MEOX2: variants seen among roughly 807,000 people sequenced by gnomAD.
The protein encoded by MEOX2 is mesenchyme homeobox 2.
Under a neutral mutation model 27.0 loss-of-function variants are expected in MEOX2, and 11 were observed. The observed-to-expected ratio is 0.41, with a 90% CI of 0.26 to 0.68. The LOEUF (loss-of-function observed/expected upper bound fraction) is 0.68, where lower values mean the gene tolerates loss of function less well. MEOX2 is among the 30% of genes least tolerant of loss of function. The pLI, the probability that MEOX2 is intolerant of heterozygous loss-of-function variation, is 0.33. For missense variants in MEOX2, 436 were observed against 385.4 expected, an observed-to-expected ratio of 1.13 and a Z score of -1.10; for synonymous variants, 189 against 155.4, an observed-to-expected ratio of 1.22 and a Z score of -1.61.
chr7:15,648,064 T>C (rs1310546156), intron 1 of MEOX2, among the ~76,000 whole-genome samples: 2 of 152,096 alleles, frequency 1.3e-5, no homozygotes, highest in African/African-American at 4.8e-5. Context: ...AGGCTAGAGA[T>C]AGTCCCATAG....
chr7:15,651,747 A>G (rs556855758), intron 1 of MEOX2, among the ~76,000 whole-genome samples: 1 of 151,836 alleles, frequency 6.6e-6, no homozygotes, highest in Non-Finnish European at 1.5e-5. Context: ...AGTAAGAAAG[A>G]CTCTACTGAA....
intron 1 of MEOX2, among the ~76,000 whole-genome samples, chr7:15,661,038 A>G (rs1008661761): frequency 2.7e-5 from 4 of 150,738 alleles, no homozygotes; most frequent in African/African-American, 7.3e-5. Context: ...AAAAAAAAAA[A>G]AAAGAGAAAG....
intron 1 of MEOX2, among the ~76,000 whole-genome samples, chr7:15,682,880 G>A (rs190931603): frequency 1.7e-4 from 26 of 152,028 alleles, no homozygotes; most frequent in Middle Eastern, 3.4e-3. Context: ...GCTGGAAAGC[G>A]TAGCAGGTTC....
intron 2 of MEOX2, among the ~76,000 whole-genome samples, chr7:15,618,775 TATCAGATTTAGAG>T (rs1263207053): frequency 6.6e-6 from 1 of 151,924 alleles, no homozygotes; most frequent in Non-Finnish European, 1.5e-5. Context: ...TTATTTCATT[TATCAGATTTAGAG>T]ACTATCACCT....
chr7:15,677,591 A>C (rs1189770917), intron 1 of MEOX2: 1 of 152,200 alleles, frequency 6.6e-6, no homozygotes, highest in Admixed American at 6.5e-5. Flanking sequence ...GCAATCCTCC[A>C]TCTGAGGTCC....
chr7:15,647,134 G>C (rs750715777), intron 1 of MEOX2, among the ~76,000 whole-genome samples: 3 of 152,004 alleles, frequency 2.0e-5, no homozygotes, highest in Non-Finnish European at 2.9e-5. Flanking sequence ...CAGGAAGAAA[G>C]TTTTTATTAG....
intron 1 of MEOX2, among the ~76,000 whole-genome samples, chr7:15,644,112 C>T (rs1562603559): frequency 6.6e-6 from 1 of 152,176 alleles, no homozygotes; most frequent in Admixed American, 6.5e-5. Context: ...CTGTTTTCTC[C>T]TAGCCTAGCA....
chr7:15,680,403 T>C (rs1369581740), intron 1 of MEOX2: 1 of 151,992 alleles, frequency 6.6e-6, no homozygotes, highest in East Asian at 1.9e-4. Flanking sequence ...ATTCTGCCTC[T>C]AACGCAAATT....
intron 2 of MEOX2, among the ~76,000 whole-genome samples, chr7:15,619,696 A>G: frequency 6.6e-6 from 1 of 152,046 alleles, no homozygotes; most frequent in Non-Finnish European, 1.5e-5. Context: ...CTAACTATAC[A>G]TATGTCTACC....
At chr7:15,683,418 C>T (rs868778193) in intron 1 of MEOX2, among the ~76,000 whole-genome samples, 8 of 151,750 alleles carry the variant, frequency 5.3e-5, no homozygotes, top group South Asian at 2.1e-4. Flanking sequence ...TCAGGAGTTC[C>T]GAAATCACTT....
At chr7:15,619,079 T>C (rs1167193132) in intron 2 of MEOX2, among the ~76,000 whole-genome samples, 1 of 151,980 alleles carries the variant, frequency 6.6e-6, no homozygotes, top group Non-Finnish European at 1.5e-5. Flanking sequence ...TCAGTTCTCT[T>C]AGGCCTGGGT....
intron 1 of MEOX2, among the ~76,000 whole-genome samples, chr7:15,672,209 T>G (rs1012626265): frequency 6.6e-6 from 1 of 152,226 alleles, no homozygotes; most frequent in African/African-American, 2.4e-5. Flanking sequence ...ACAATGCAGA[T>G]TGCTTGATAT....
intron 1 of MEOX2, among the ~76,000 whole-genome samples, chr7:15,653,759 A>T (rs548045394): frequency 6.6e-6 from 1 of 151,638 alleles, no homozygotes; most frequent in Admixed American, 6.6e-5. Context: ...TTGATTTTCT[A>T]TTTTTTCCAT....
intron 1 of MEOX2, among the ~76,000 whole-genome samples, chr7:15,666,324 A>C (rs1284958225): frequency 6.6e-6 from 1 of 152,224 alleles, no homozygotes. Context: ...ATATATATTT[A>C]ACCAGCTATG....
At chr7:15,637,440 T>G (rs564720607) in intron 1 of MEOX2, among the ~76,000 whole-genome samples, 1 of 152,054 alleles carries the variant, frequency 6.6e-6, no homozygotes, top group African/African-American at 2.4e-5. Flanking sequence ...AGCATACACA[T>G]TTTTGTTTTA....
intron 1 of MEOX2, chr7:15,680,827 T>C (rs1041678237): frequency 6.6e-6 from 1 of 151,914 alleles, no homozygotes; most frequent in Non-Finnish European, 1.5e-5. Flanking sequence ...TTTTAATCTG[T>C]GGACTTTGGC....
chr7:15,684,775 C>CA (rs1782350361), intron 1 of MEOX2, among the ~76,000 whole-genome samples: 1 of 152,184 alleles, frequency 6.6e-6, no homozygotes, highest in South Asian at 2.1e-4. Flanking sequence ...TGACACCTTC[C>CA]AAAAGTATTT....
At chr7:15,628,221 C>A (rs1049691036) in intron 1 of MEOX2, among the ~76,000 whole-genome samples, 2 of 151,936 alleles carry the variant, frequency 1.3e-5, no homozygotes, top group African/African-American at 4.8e-5. Context: ...TGTTCTATTT[C>A]TTTCTGTCTG....
intron 1 of MEOX2, among the ~76,000 whole-genome samples, chr7:15,636,648 A>G (rs536174820): frequency 6.6e-6 from 1 of 152,230 alleles, no homozygotes; most frequent in African/African-American, 2.4e-5. Flanking sequence ...TCAATTATAC[A>G]TGCCATATAG....
Sources: allele counts gnomAD v4.1 joint callset (sites outside exome capture counted in the v4.1 genomes callset), GRCh38; gene constraint gnomAD v4.1.1; transcripts MANE v1.5; gene names NCBI Gene and HGNC (gene_info 2026-07-23, HGNC 2026-07-21).